SH3GL3: variants seen among roughly 807,000 people sequenced by gnomAD.
The protein encoded by SH3GL3 is endophilin-A3.
SH3GL3 carries 33 observed loss-of-function variants against 47.7 expected under a neutral mutation model. The observed-to-expected ratio is 0.69, with a 90% CI of 0.52 to 0.92. The LOEUF (loss-of-function observed/expected upper bound fraction) is 0.92, where lower values mean the gene tolerates loss of function less well. Among genes scored for constraint, SH3GL3 ranks in the 40% least tolerant of loss-of-function variants. SH3GL3 has a pLI of 0.00. For synonymous variants in SH3GL3, 155 were observed against 148.8 expected, an observed-to-expected ratio of 1.04 and a Z score of -0.30; for missense variants, 363 against 417.8, an observed-to-expected ratio of 0.87 and a Z score of 1.14.
chr15:83,484,433 A>G (rs913790612), intron 1 of SH3GL3, among the ~76,000 whole-genome samples: 1 of 152,106 alleles, frequency 6.6e-6, no homozygotes, highest in African/African-American at 2.4e-5. Flanking sequence ...TGTTTGGATC[A>G]TAGTTATGCC....
chr15:83,490,265 G>GT (rs1196742768), intron 1 of SH3GL3, among the ~76,000 whole-genome samples: 5,946 of 133,058 alleles, frequency 0.045, 461 homozygotes, highest in African/African-American at 0.15. Context: ...GTGATTTTGC[G>GT]TTTTTTTTTT....
At chr15:83,625,244 G>T in the SH3GL3 span, among the ~76,000 whole-genome samples, 58 of 152,350 alleles carry the variant, frequency 3.8e-4, no homozygotes, top group Non-Finnish European at 7.8e-4. Flanking sequence ...TGTAAGTCAG[G>T]TTGTAATGTT....
chr15:83,467,714 T>C (rs2040630549), intron 1 of SH3GL3, among the ~76,000 whole-genome samples: 2 of 152,254 alleles, frequency 1.3e-5, no homozygotes. Context: ...ATTTCTCTCA[T>C]CAGCATTTTG....
At chr15:83,530,420 G>T (rs1057482490) in intron 1 of SH3GL3, among the ~76,000 whole-genome samples, 1 of 152,118 alleles carries the variant, frequency 6.6e-6, no homozygotes, top group Non-Finnish European at 1.5e-5. Flanking sequence ...TGAACTGGCC[G>T]CCTTGCTTTC....
intron 1 of SH3GL3, among the ~76,000 whole-genome samples, chr15:83,457,113 A>C (rs1804650173): frequency 6.6e-6 from 1 of 152,232 alleles, no homozygotes; most frequent in Admixed American, 6.5e-5. Context: ...TGAAGAAGGA[A>C]GTTCAGGGCA....
At chr15:83,464,904 A>C (rs2040489711) in intron 1 of SH3GL3, among the ~76,000 whole-genome samples, 1 of 151,916 alleles carries the variant, frequency 6.6e-6, no homozygotes, top group South Asian at 2.1e-4. Flanking sequence ...TCACACCTGT[A>C]ATCCTTTAGA....
At chr15:83,555,160 A>G (rs1375317207) in intron 1 of SH3GL3, among the ~76,000 whole-genome samples, 1 of 151,946 alleles carries the variant, frequency 6.6e-6, no homozygotes, top group Non-Finnish European at 1.5e-5. Context: ...TGTCCCATCT[A>G]TTGGGTTTTT....
intron 1 of SH3GL3, among the ~76,000 whole-genome samples, chr15:83,523,947 TAAAAAAAAAA>T (rs3078535): frequency 7.6e-6 from 1 of 131,906 alleles, no homozygotes; most frequent in Non-Finnish European, 1.6e-5. Flanking sequence ...TTCAGCAATC[TAAAAAAAAAA>T]AAAAAAAAAA....
At chr15:83,559,751 C>T (rs2151743189) in intron 2 of SH3GL3, among the ~76,000 whole-genome samples, 2 of 152,266 alleles carry the variant, frequency 1.3e-5, no homozygotes, top group Middle Eastern at 3.4e-3. Flanking sequence ...AGCTGCATAG[C>T]AAGTAACTTT....
chr15:83,517,316 T>G (rs569053808), intron 1 of SH3GL3, among the ~76,000 whole-genome samples: 1 of 151,934 alleles, frequency 6.6e-6, no homozygotes, highest in East Asian at 1.9e-4. Flanking sequence ...GCAGTTCTTC[T>G]GTCTCAGCCA....
chr15:83,556,040 G>A (rs2044938134), intron 1 of SH3GL3, among the ~76,000 whole-genome samples: 1 of 152,308 alleles, frequency 6.6e-6, no homozygotes, highest in Non-Finnish European at 1.5e-5. Context: ...TCAGAGCATA[G>A]GGAGTGCATC....
intron 1 of SH3GL3, among the ~76,000 whole-genome samples, chr15:83,530,802 A>T (rs2043635775): frequency 6.6e-6 from 1 of 151,910 alleles, no homozygotes; most frequent in South Asian, 2.1e-4. Flanking sequence ...CTTTTCCATT[A>T]TTTGTTAATT....
chr15:83,562,030 AACACAC>A (rs55856428), intron 2 of SH3GL3, among the ~76,000 whole-genome samples: 14,904 of 132,604 alleles, frequency 0.11, 909 homozygotes, highest in Admixed American at 0.18. Context: ...ACACACACAC[AACACAC>A]ACACACACAC....
the SH3GL3 span, among the ~76,000 whole-genome samples, chr15:83,624,425 G>T: frequency 6.6e-6 from 1 of 152,174 alleles, no homozygotes; most frequent in East Asian, 1.9e-4. Context: ...AGGTGAAAGC[G>T]CAAAGAGCAG....
chr15:83,481,969 T>G (rs1219313966), intron 1 of SH3GL3, among the ~76,000 whole-genome samples: 1 of 152,184 alleles, frequency 6.6e-6, no homozygotes, highest in Non-Finnish European at 1.5e-5. Flanking sequence ...GGGAGTCATT[T>G]CCAATTTATT....
chr15:83,456,393 C>T (rs1596002964), intron 1 of SH3GL3, among the ~76,000 whole-genome samples: 1 of 47,024 alleles, frequency 2.1e-5, no homozygotes, highest in Middle Eastern at 7.6e-3. Flanking sequence ...CAATGGCGGG[C>T]CCCCCTCCCC....
chr15:83,605,657 G>A (rs1196760004), intron 8 of SH3GL3, among the ~76,000 whole-genome samples: 1 of 152,116 alleles, frequency 6.6e-6, no homozygotes, highest in East Asian at 1.9e-4. Flanking sequence ...TTAAGAGAAT[G>A]AATAAAGTGA....
At chr15:83,628,055 T>G in the SH3GL3 span, among the ~76,000 whole-genome samples, 1 of 152,296 alleles carries the variant, frequency 6.6e-6, no homozygotes, top group Middle Eastern at 3.4e-3. Flanking sequence ...CCTATAACAT[T>G]GAGCTTACCA....
chr15:83,591,925 G>A (rs558263850), intron 8 of SH3GL3, among the ~76,000 whole-genome samples: 40 of 151,858 alleles, frequency 2.6e-4, no homozygotes, highest in Non-Finnish European at 4.6e-4. Context: ...CGCCCGCCTT[G>A]GCCTCCCAAA....
Sources: gnomAD v4.1 joint callset for allele counts (sites outside exome capture counted in the v4.1 genomes callset) on GRCh38, gnomAD v4.1.1 for gene constraint, MANE v1.5 for transcripts, NCBI Gene and HGNC (gene_info 2026-07-23, HGNC 2026-07-21) for gene names.